AUTS2: variants seen among roughly 807,000 people sequenced by gnomAD.
AUTS2 encodes the protein autism susceptibility gene 2 protein.
In AUTS2, 17 loss-of-function variants were observed where a neutral mutation model predicts 112.4. The observed-to-expected ratio is 0.15, with a 90% CI of 0.10 to 0.23. The LOEUF (loss-of-function observed/expected upper bound fraction) is 0.23. AUTS2 is among the 10% of genes least tolerant of loss of function. The probability of loss-of-function intolerance (pLI) is 1.00; values close to 1 mark genes in which losing one functional copy is unlikely to be tolerated. For missense variants in AUTS2, 1,510 were observed against 1,701.6 expected, an observed-to-expected ratio of 0.89 and a Z score of 1.98; for synonymous variants, 751 against 702.7, an observed-to-expected ratio of 1.07 and a Z score of -1.09.
intron 5 of AUTS2, among the ~76,000 whole-genome samples, chr7:70,589,645 C>T (rs374255481): frequency 5.3e-5 from 8 of 152,188 alleles, no homozygotes; most frequent in African/African-American, 1.7e-4. Flanking sequence ...ACCTGGGAGG[C>T]GGAGGTTGCA....
chr7:69,636,492 C>T (rs1281139793), intron 1 of AUTS2, among the ~76,000 whole-genome samples: 1 of 101,560 alleles, frequency 9.8e-6, no homozygotes, highest in Admixed American at 8.4e-5. Flanking sequence ...CCCCCCCCCC[C>T]CTTGGCCTCC....
intron 4 of AUTS2, among the ~76,000 whole-genome samples, chr7:70,235,644 T>C (rs1367798037): frequency 6.6e-6 from 1 of 152,036 alleles, no homozygotes; most frequent in Non-Finnish European, 1.5e-5. Context: ...TGTTTTTCTT[T>C]TTTCTTTTCT....
intron 4 of AUTS2, among the ~76,000 whole-genome samples, chr7:70,147,221 TAAAAA>T (rs894476526): frequency 7.1e-6 from 1 of 141,552 alleles, no homozygotes; most frequent in Non-Finnish European, 1.5e-5. Context: ...CAATATCTCT[TAAAAA>T]AAAAAAAAGT....
chr7:69,956,030 G>A (rs1473405451), intron 2 of AUTS2, among the ~76,000 whole-genome samples: 2 of 152,062 alleles, frequency 1.3e-5, no homozygotes, highest in African/African-American at 2.4e-5. Context: ...AGAGGTTTGG[G>A]GATTGTGTCT....
chr7:70,605,546 C>CTCTTTTTTT (rs1554440368), intron 5 of AUTS2, among the ~76,000 whole-genome samples: 4 of 70,662 alleles, frequency 5.7e-5, no homozygotes, highest in African/African-American at 2.6e-4. Context: ...CCTTCTTTCT[C>CTCTTTTTTT]TTTTTTTTTT....
intron 1 of AUTS2, among the ~76,000 whole-genome samples, chr7:69,612,470 T>C (rs1793096401): frequency 6.6e-6 from 1 of 152,170 alleles, no homozygotes; most frequent in Non-Finnish European, 1.5e-5. Flanking sequence ...TTAAAACTTT[T>C]TTTTTTTTAG....
intron 2 of AUTS2, among the ~76,000 whole-genome samples, chr7:69,906,594 G>A (rs995264042): frequency 7.9e-5 from 12 of 152,224 alleles, no homozygotes; most frequent in East Asian, 3.8e-4. Context: ...ACTGCCTTTC[G>A]AGGAGCTGTT....
At chr7:70,114,576 T>G (rs1264927366) in intron 2 of AUTS2, among the ~76,000 whole-genome samples, 1 of 152,178 alleles carries the variant, frequency 6.6e-6, no homozygotes, top group Non-Finnish European at 1.5e-5. Context: ...GCAGATCACC[T>G]GAGGTTGGGG....
intron 1 of AUTS2, among the ~76,000 whole-genome samples, chr7:69,879,299 A>C (rs1477238226): frequency 1.4e-5 from 2 of 148,034 alleles, no homozygotes; most frequent in Non-Finnish European, 3.0e-5. Flanking sequence ...ATGTGCCACC[A>C]TGCCCGGCTA....
At chr7:70,151,465 C>T (rs1322710826) in intron 4 of AUTS2, among the ~76,000 whole-genome samples, 2 of 151,980 alleles carry the variant, frequency 1.3e-5, no homozygotes, top group African/African-American at 2.4e-5. Flanking sequence ...TACAGTTTGC[C>T]GTGACACTTT....
At chr7:69,737,375 G>C (rs1787078494) in intron 1 of AUTS2, among the ~76,000 whole-genome samples, 1 of 152,146 alleles carries the variant, frequency 6.6e-6, no homozygotes, top group Non-Finnish European at 1.5e-5. Context: ...TATAGATGAG[G>C]AAGAAATTGA....
At chr7:70,783,322 G>A (rs562825701) in intron 15 of AUTS2, 26 of 152,298 alleles carry the variant, frequency 1.7e-4, no homozygotes, top group Admixed American at 5.2e-4. Flanking sequence ...GGGCTGAATA[G>A]ATAACTCCTC....
intron 2 of AUTS2, among the ~76,000 whole-genome samples, chr7:70,069,709 T>TG (rs563487979): frequency 3.4e-5 from 2 of 58,406 alleles, no homozygotes; most frequent in Middle Eastern, 0.01. Context: ...GTTTTTTTTG[T>TG]TTTTTTTTTT....
intron 1 of AUTS2, among the ~76,000 whole-genome samples, chr7:69,676,364 A>G (rs899116355): frequency 6.6e-6 from 1 of 152,200 alleles, no homozygotes; most frequent in South Asian, 2.1e-4. Context: ...CATTGAGATC[A>G]CTTTCTTTAA....
At chr7:70,692,349 GAAC>G (rs1172836488) in intron 5 of AUTS2, among the ~76,000 whole-genome samples, 4 of 152,312 alleles carry the variant, frequency 2.6e-5, no homozygotes, top group African/African-American at 7.2e-5. Flanking sequence ...GATTTTGCTA[GAAC>G]AACAAGATAA....
At chr7:70,474,742 C>G (rs2115999068) in intron 5 of AUTS2, among the ~76,000 whole-genome samples, 1 of 152,284 alleles carries the variant, frequency 6.6e-6, no homozygotes, top group East Asian at 1.9e-4. Context: ...TATTCCCTGT[C>G]AGCCATAGAC....
chr7:69,769,280 T>TA (rs1788561331), intron 1 of AUTS2, among the ~76,000 whole-genome samples: 1 of 152,224 alleles, frequency 6.6e-6, no homozygotes, highest in Non-Finnish European at 1.5e-5. Context: ...AGGTGGGAGA[T>TA]AAAATCACAA....
At chr7:69,934,605 C>T (rs984358204) in intron 2 of AUTS2, among the ~76,000 whole-genome samples, 35 of 152,174 alleles carry the variant, frequency 2.3e-4, no homozygotes, top group African/African-American at 8.0e-4. Flanking sequence ...TCCTACCCCT[C>T]CCCTCAGCAG....
chr7:70,339,501 G>A (rs1056827457), intron 4 of AUTS2, among the ~76,000 whole-genome samples: 9 of 151,990 alleles, frequency 5.9e-5, no homozygotes, highest in African/African-American at 1.2e-4. Flanking sequence ...TCTCCACTTC[G>A]GGGTCATCTA....
Sources: allele counts gnomAD v4.1 joint callset (sites outside exome capture counted in the v4.1 genomes callset), GRCh38; gene constraint gnomAD v4.1.1; transcripts MANE v1.5; gene names NCBI Gene and HGNC (gene_info 2026-07-23, HGNC 2026-07-21).